The following MACO1 variants were observed in gnomAD, a reference collection of about 807,000 sequenced individuals.
MACO1 encodes the protein macoilin.
MACO1 carries 14 observed loss-of-function variants against 78.7 expected under a neutral mutation model. The observed-to-expected ratio is 0.18, with a 90% confidence interval of 0.12 to 0.28. The LOEUF (loss-of-function observed/expected upper bound fraction) is 0.28, where lower values mean the gene tolerates loss of function less well. Among genes scored for constraint, MACO1 ranks in the 10% least tolerant of loss-of-function variants. MACO1 has a pLI of 1.00. For missense variants in MACO1, 501 were observed against 799.0 expected, an observed-to-expected ratio of 0.63 and a Z score of 4.50; for synonymous variants, 288 against 291.6, an observed-to-expected ratio of 0.99 and a Z score of 0.12.
intron 9 of MACO1, 55 bp from the exon 10 acceptor site, chr1:25,491,355 T>C: frequency 1.2e-6 from 2 of 1,603,932 alleles, no homozygotes; most frequent in South Asian, 2.2e-5. Flanking sequence ...GGCTAATTTA[T>C]AGACATCGAT....
chr1:25,470,648 A>T (rs2043259084), intron 6 of MACO1, among the ~76,000 whole-genome samples: 1 of 152,190 alleles, frequency 6.6e-6, no homozygotes, highest in African/African-American at 2.4e-5. Flanking sequence ...ATCTTAAGGT[A>T]ATTAAAGGAA....
intron 6 of MACO1, among the ~76,000 whole-genome samples, chr1:25,472,899 G>A (rs1460904534): frequency 6.6e-6 from 1 of 152,188 alleles, no homozygotes; most frequent in African/African-American, 2.4e-5. Flanking sequence ...TAATAAAAAT[G>A]TATGAAATTT....
rs777514529 is a variant in MACO1, at chr1:25,431,079, C to T, written c.-20C>T. 32 of 1,569,588 alleles carry T rather than the reference C, an allele frequency of 2.0e-5. No homozygotes were observed. Among genetic ancestry groups the T allele is most frequent in the Non-Finnish European group, 2.7e-5 (31 of 1,161,304 alleles). On this transcript the variant is annotated 5_prime_UTR_variant, in exon 1 of 11. Coordinates refer to ENST00000374343, the MANE Select transcript of MACO1 (RefSeq NM_018202.6). ...AGAGACGGCGGCGGCGGCGCGGGCA[C>T]CCGGCCCCCCAGCGGGAGGATGAAG... is the stretch of plus-strand genomic sequence containing the variant.
intron 7 of MACO1, 91 bp downstream of exon 7, chr1:25,484,365 C>CA: frequency 7.6e-7 from 1 of 1,312,554 alleles, no homozygotes; most frequent in Admixed American, 2.8e-5. Flanking sequence ...TTTATGGTGA[C>CA]AGAGACCTGC....
Position 25,446,758 on chromosome 1 carries a change from G to T in MACO1, c.81-4G>T. ...AATTAATTCTTTATTTTTATATTTT[G>T]CAGTACATTTTTATACCTGAAATTC... On this transcript the variant is annotated splice_polypyrimidine_tract_variant and splice_region_variant and intron_variant, in intron 1 of 10. Transcript: ENST00000374343. The T allele has an allele frequency of 1.3e-6, 2 of 1,599,466 alleles. No homozygotes were observed. Among genetic ancestry groups the T allele is most frequent in the Non-Finnish European group, 1.7e-6 (2 of 1,173,936 alleles).
chr1:25,490,010 A>T (rs980416099), intron 9 of MACO1, among the ~76,000 whole-genome samples: 2 of 152,244 alleles, frequency 1.3e-5, no homozygotes, highest in African/African-American at 4.8e-5. Flanking sequence ...AACTCATCTC[A>T]TGCCACATAT....
intron 1 of MACO1, among the ~76,000 whole-genome samples, chr1:25,438,965 T>C (rs2042943750): frequency 6.6e-6 from 1 of 152,090 alleles, no homozygotes; most frequent in South Asian, 2.1e-4. Context: ...AACCTGTTTT[T>C]GTTAAGAAAG....
chr1:25,471,451 A>G (rs933589352), intron 6 of MACO1, among the ~76,000 whole-genome samples: 2 of 152,188 alleles, frequency 1.3e-5, no homozygotes, highest in Non-Finnish European at 2.9e-5. Context: ...GCTGCCAGAG[A>G]CATTTACTTT....
intron 6 of MACO1, among the ~76,000 whole-genome samples, chr1:25,468,927 A>T (rs867425034): frequency 5.1e-4 from 78 of 151,752 alleles, no homozygotes; most frequent in African/African-American, 1.8e-3. Context: ...GGGAAACTTC[A>T]CCTCCCAGGT....
At chr1:25,439,032 A>G (rs529273638) in intron 1 of MACO1, among the ~76,000 whole-genome samples, 15 of 152,272 alleles carry the variant, frequency 9.9e-5, no homozygotes, top group African/African-American at 3.1e-4. Context: ...TATAACAGCA[A>G]TCATCTTGGG....
Position 25,452,027 on chromosome 1 carries a change from G to T in MACO1, c.350-2232G>T, listed in dbSNP as rs72887444. Reference sequence around the variant, plus strand: ...TAAGAGTGGTTGAGACCATTAGCTGGCTTCACAGAGCATCCAGTGACAACT... The same window carrying T: ...TAAGAGTGGTTGAGACCATTAGCTGTCTTCACAGAGCATCCAGTGACAACT... On this transcript the variant is annotated intron_variant, in intron 3 of 10. Transcript: ENST00000374343. Among the ~76,000 whole-genome samples the T allele has an allele frequency of 5.3e-3, 803 of 151,576 alleles. 5 individuals are homozygous for T. Among genetic ancestry groups the T allele is most frequent in the African/African-American group, 0.018 (762 of 41,250 alleles).
At chr1:25,481,160 A>G (rs910424159) in intron 6 of MACO1, among the ~76,000 whole-genome samples, 9 of 152,106 alleles carry the variant, frequency 5.9e-5, no homozygotes, top group Non-Finnish European at 1.2e-4. Context: ...AACAACTACA[A>G]AATTCTCACA....
chr1:25,472,427 A>G (rs987201244), intron 6 of MACO1, among the ~76,000 whole-genome samples: 2 of 139,716 alleles, frequency 1.4e-5, no homozygotes, highest in African/African-American at 5.5e-5. Flanking sequence ...ATGCGTTCTC[A>G]TTGTTCATCT....
Position 25,468,162 on chromosome 1 carries a change from G to GT in MACO1, c.1154+9270_1154+9271insT, listed in dbSNP as rs1178832144. Among the ~76,000 whole-genome samples, 12 of 152,008 alleles carry GT rather than the reference G, an allele frequency of 7.9e-5. No homozygotes were observed. In the East Asian group the frequency reaches 2.3e-3, roughly 29 times the overall value. The stretch of plus-strand genomic sequence containing the variant: ...GTTAAAAATTCTTGCTCTTGCCAAA[G>GT]ACACATGAGTGTACTTACTTATCTC... On this transcript the variant is annotated intron_variant, in intron 6 of 10. Coordinates refer to ENST00000374343, the MANE Select transcript of MACO1 (RefSeq NM_018202.6).
At chr1:25,466,677 A>G (rs1278819411) in intron 6 of MACO1, among the ~76,000 whole-genome samples, 1 of 152,182 alleles carries the variant, frequency 6.6e-6, no homozygotes, top group Non-Finnish European at 1.5e-5. Flanking sequence ...AGTTCTTCGT[A>G]TATTTTCGAT....
At chr1:25,465,954 A>G (rs1001085135) in intron 6 of MACO1, among the ~76,000 whole-genome samples, 69 of 152,328 alleles carry the variant, frequency 4.5e-4, no homozygotes, top group African/African-American at 1.3e-3. Context: ...CATTCTTTAT[A>G]TGGCTGAACA....
intron 1 of MACO1, among the ~76,000 whole-genome samples, chr1:25,435,168 A>G (rs947743392): frequency 5.3e-5 from 8 of 152,182 alleles, no homozygotes; most frequent in African/African-American, 1.9e-4. Context: ...ATGATTTTAT[A>G]TCTGTGTTAC....
chr1:25,464,080 A>G (rs2043194599), intron 6 of MACO1, among the ~76,000 whole-genome samples: 2 of 152,272 alleles, frequency 1.3e-5, no homozygotes, highest in South Asian at 4.1e-4. Flanking sequence ...GAATACATTT[A>G]TAATGGCATG....
intron 6 of MACO1, among the ~76,000 whole-genome samples, chr1:25,467,587 T>C (rs1004364332): frequency 2.0e-5 from 3 of 152,220 alleles, no homozygotes; most frequent in African/African-American, 7.2e-5. Context: ...TTCATCTTTT[T>C]TATTATAGTG....
Sources: gnomAD v4.1 joint callset for allele counts (sites outside exome capture counted in the v4.1 genomes callset) on GRCh38, gnomAD v4.1.1 for gene constraint, MANE v1.5 for transcripts, NCBI Gene and HGNC (gene_info 2026-07-23, HGNC 2026-07-21) for gene names.